XPO4: variants seen among roughly 807,000 people sequenced by gnomAD.
XPO4 encodes the protein exportin-4.
Under a neutral mutation model 143.0 loss-of-function variants are expected in XPO4, and 39 were observed. The observed-to-expected ratio is 0.27, with a 90% CI of 0.21 to 0.36. The LOEUF is 0.36. Ranked by LOEUF, XPO4 falls within the 10% of genes least tolerant of loss-of-function variation. The pLI is 1.00. For missense variants in XPO4, 907 were observed against 1,348.0 expected (o/e 0.67, Z 5.12); for synonymous variants, 439 against 474.0 (o/e 0.93, Z 0.96).
chr13:20,850,770 C>T, intron 4 of XPO4: 1 of 983,940 alleles, frequency 1.0e-6, no homozygotes, highest in Non-Finnish European at 1.2e-6. Context: ...GTTTCTAAAA[C>T]AACAAAACAA....
At chr13:20,813,189 C>T (rs920902528) in intron 9 of XPO4, among the ~76,000 whole-genome samples, 1 of 152,058 alleles carries the variant, frequency 6.6e-6, no homozygotes, top group Non-Finnish European at 1.5e-5. Context: ...TCCAATCACC[C>T]CCCACCAGGT....
chr13:20,885,720 CAT>C (rs1247208053), intron 1 of XPO4, among the ~76,000 whole-genome samples: 1 of 152,164 alleles, frequency 6.6e-6, no homozygotes, highest in Non-Finnish European at 1.5e-5. Context: ...AGGAAGATCA[CAT>C]GAGGTCAGGA....
At chr13:20,801,757 A>G (rs2059436111) in intron 13 of XPO4, among the ~76,000 whole-genome samples, 1 of 152,230 alleles carries the variant, frequency 6.6e-6, no homozygotes, top group Non-Finnish European at 1.5e-5. Context: ...ACACTAATGA[A>G]TATCAGTGCT....
intron 4 of XPO4, among the ~76,000 whole-genome samples, chr13:20,850,599 A>G (rs971588722): frequency 4.6e-5 from 7 of 152,224 alleles, no homozygotes; most frequent in Admixed American, 2.0e-4. Flanking sequence ...CCCCATCTTT[A>G]CAAAAAAATT....
At chr13:20,898,777 A>T (rs1315303048) in intron 1 of XPO4, among the ~76,000 whole-genome samples, 1 of 152,140 alleles carries the variant, frequency 6.6e-6, no homozygotes, top group African/African-American at 2.4e-5. Flanking sequence ...ATACTATAAG[A>T]ACACTAAACT....
chr13:20,900,626 T>A (rs1356906902), intron 1 of XPO4, among the ~76,000 whole-genome samples: 6 of 152,008 alleles, frequency 3.9e-5, no homozygotes, highest in African/African-American at 1.4e-4. Flanking sequence ...CCTTTTTTTT[T>A]TTTTGAGATG....
chr13:20,783,444 T>G lies in XPO4; in HGVS notation c.*278A>C. 1 of 458,560 alleles carries G rather than the reference T, an allele frequency of 2.2e-6. No homozygotes were observed. The highest frequency in any genetic ancestry group is 3.9e-6 in the Non-Finnish European group (1 of 254,156). The allele number at this position is 458,560 out of a possible 1,614,324, so 28.4% of individuals were successfully genotyped here. On this transcript the variant is annotated 3_prime_UTR_variant, in exon 23 of 23. Coordinates refer to ENST00000255305, the MANE Select transcript of XPO4 (RefSeq NM_022459.5). ...ATATGTATTTCGTGGTGCCCATATC[T>G]GTTTGCACATATATGGAATTTCATT... is the stretch of plus-strand genomic sequence containing the variant.
chr13:20,852,545 G>GC, intron 4 of XPO4: 1 of 984,954 alleles, frequency 1.0e-6, no homozygotes, highest in Non-Finnish European at 1.2e-6. Flanking sequence ...CACTGCTGAA[G>GC]CATCAGCATC....
intron 1 of XPO4, among the ~76,000 whole-genome samples, chr13:20,883,140 G>T (rs568501465): frequency 5.3e-4 from 81 of 152,246 alleles, no homozygotes; most frequent in Non-Finnish European, 9.3e-4. Flanking sequence ...CATCCTTTGC[G>T]GTTCCCTTAC....
intron 6 of XPO4, among the ~76,000 whole-genome samples, chr13:20,835,447 G>T (rs2059904244): frequency 6.6e-6 from 1 of 152,106 alleles, no homozygotes; most frequent in African/African-American, 2.4e-5. Context: ...TAAGAAGTAT[G>T]GATCATCAAG....
chr13:20,859,891 A>G, intron 3 of XPO4: 7 of 980,618 alleles, frequency 7.1e-6, no homozygotes, highest in Non-Finnish European at 8.5e-6. Flanking sequence ...TACACATTTA[A>G]GTCTACCAAG....
chr13:20,809,920 C>T lies in XPO4; in HGVS notation c.1221G>A (p.Leu407=), dbSNP rs760385272. 1 of 1,613,564 alleles carries T rather than the reference C, an allele frequency of 6.2e-7. No homozygotes were observed. Among genetic ancestry groups the T allele is most frequent in the Non-Finnish European group, 8.5e-7 (1 of 1,179,738 alleles). The change falls in exon 10 of 23, where the codon TTG becomes TTA. Residue 407 remains leucine (L), a synonymous_variant. Transcript: ENST00000255305. Reference sequence around the variant, plus strand: ...CTTGAACCAAAGTTAACCAGGACTCCAACAATTTATCATATGCTTCCATGT... The same window carrying T: ...CTTGAACCAAAGTTAACCAGGACTCTAACAATTTATCATATGCTTCCATGT... ...MVYMEAYDKL[L]ESWLTLVQDD...
At chr13:20,800,684 C>T (rs1256560569) in intron 14 of XPO4, 147 bp downstream of exon 14, 2 of 965,208 alleles carry the variant, frequency 2.1e-6, no homozygotes, top group Non-Finnish European at 3.0e-6. Context: ...AACAGCATTC[C>T]AGTCACATAA....
intron 4 of XPO4, chr13:20,851,779 T>C (rs988813292): frequency 1.9e-5 from 19 of 984,742 alleles, no homozygotes; most frequent in Non-Finnish European, 1.9e-5. Context: ...AAAAAAACTT[T>C]GGAGTCTTTC....
At chr13:20,787,428 G>A (rs924143298) in intron 21 of XPO4, 53 bp downstream of exon 21, 15 of 1,513,982 alleles carry the variant, frequency 9.9e-6, no homozygotes, top group Admixed American at 3.4e-5. Context: ...TATGTGCACC[G>A]ACCACACTTT....
intron 1 of XPO4, among the ~76,000 whole-genome samples, chr13:20,892,062 G>A (rs1369763786): frequency 1.3e-4 from 19 of 143,920 alleles, no homozygotes; most frequent in African/African-American, 4.3e-4. Context: ...ATGGAGTTTT[G>A]CTCTTTTAGG....
At chr13:20,807,384 C>A in intron 13 of XPO4, 73 bp downstream of exon 13, 1 of 1,441,568 alleles carries the variant, frequency 6.9e-7, no homozygotes, top group South Asian at 1.3e-5. Context: ...TCACTCCAGT[C>A]ATCTACCCAT....
rs1340970239 is a variant in XPO4, at chr13:20,778,915, C to G, written c.*4807G>C. On this transcript the variant is annotated 3_prime_UTR_variant, in exon 23 of 23. Coordinates refer to ENST00000255305, the MANE Select transcript of XPO4 (RefSeq NM_022459.5). Reference sequence around the variant, plus strand: ...TAGTGAAAAGACACATTTTAACTCCCATTTATGAATTTTAAAAATACAAAT... The same window carrying G: ...TAGTGAAAAGACACATTTTAACTCCGATTTATGAATTTTAAAAATACAAAT... 1 of 152,064 alleles carries G rather than the reference C, an allele frequency of 6.6e-6. No individual in the cohort carries two copies. Among genetic ancestry groups the G allele is most frequent in the Non-Finnish European group, 1.5e-5 (1 of 68,010 alleles). 9.4% of individuals were successfully genotyped at this position (152,064 alleles called of 1,614,324 possible).
chr13:20,845,281 T>C (rs1365828301), intron 4 of XPO4, among the ~76,000 whole-genome samples: 1 of 152,208 alleles, frequency 6.6e-6, no homozygotes, highest in Non-Finnish European at 1.5e-5. Flanking sequence ...ACCCCATATG[T>C]TAAAGAAGTT....
Sources: allele counts gnomAD v4.1 joint callset (sites outside exome capture counted in the v4.1 genomes callset), GRCh38; gene constraint gnomAD v4.1.1; transcripts MANE v1.5; gene names NCBI Gene and HGNC (gene_info 2026-07-23, HGNC 2026-07-21).